The following RANGAP1 variants were observed in gnomAD, a reference collection of about 807,000 sequenced individuals.
The protein encoded by RANGAP1 is Ran GTPase activating protein 1.
In RANGAP1, 38 loss-of-function variants were observed where a neutral mutation model predicts 63.5. That is an observed-to-expected ratio of 0.60 (90% confidence interval 0.46 to 0.78). The LOEUF (loss-of-function observed/expected upper bound fraction) is 0.78. Ranked by LOEUF, RANGAP1 falls within the 30% of genes least tolerant of loss-of-function variation. The probability of loss-of-function intolerance (pLI) is 0.00; values close to 1 mark genes in which losing one functional copy is unlikely to be tolerated. For missense variants in RANGAP1, 630 were observed against 740.3 expected (o/e 0.85, Z 1.73); for synonymous variants, 329 against 310.5 (o/e 1.06, Z -0.63).
At position 41,246,667 on chromosome 22, in the gene RANGAP1, T is replaced by C. The variant is rs2033055538; in HGVS notation, c.1700A>G (p.Asn567Ser). ...PLLLAFVTKP[N>S]SALESCSFAR... ...GAAGGAGCAGGATTCCAGGGCGCTG[T>C]TGGGCCTGCGGGGAAAGAGGGGTCA... Residue 567 changes from asparagine (N) to serine (S), a missense_variant, in exon 16 of 16, where the codon AAC becomes AGC. By Grantham distance (46) the Asn-to-Ser change is conservative. Transcript: ENST00000356244. 9 of 1,563,108 alleles carry C rather than the reference T, an allele frequency of 5.8e-6. No homozygotes were observed. Among genetic ancestry groups the C allele is most frequent in the Non-Finnish European group, 7.8e-6 (9 of 1,152,612 alleles).
At position 41,255,992 on chromosome 22, in the gene RANGAP1, G is replaced by T. The variant is rs187835162; in HGVS notation, c.1073+29C>A. ...AGAAAGAAAGGAATGGCCTGACCCC[G>T]ACCTCTGGGGCCACCCCGAGTTCCC... On this transcript the variant is annotated intron_variant, in intron 10 of 15. Coordinates refer to ENST00000356244, the MANE Select transcript of RANGAP1 (RefSeq NM_002883.4). 5 of 1,601,740 alleles carry T rather than the reference G, an allele frequency of 3.1e-6. No homozygotes were observed. The African/African-American group carries it at 6.7e-5, about 21-fold the overall frequency.
chr22:41,274,387 T>C (rs1303498624), intron 3 of RANGAP1, among the ~76,000 whole-genome samples: 1 of 152,226 alleles, frequency 6.6e-6, no homozygotes, highest in African/African-American at 2.4e-5. Context: ...ATAATCCTCC[T>C]GCACCCCAAC....
the RANGAP1 span, among the ~76,000 whole-genome samples, chr22:41,294,342 G>T: frequency 5.9e-5 from 9 of 152,166 alleles, no homozygotes; most frequent in Admixed American, 2.6e-4. Flanking sequence ...ACGGAGTCTC[G>T]TTCACTCAGT....
intron 11 of RANGAP1, among the ~76,000 whole-genome samples, chr22:41,253,732 C>T (rs965364554): frequency 1.1e-4 from 17 of 152,194 alleles, no homozygotes; most frequent in African/African-American, 4.1e-4. Flanking sequence ...TTTCAGAAAC[C>T]CTTATGCATA....
chr22:41,280,910 G>C, intron 2 of RANGAP1, 23 bp downstream of exon 2: 1 of 1,613,560 alleles, frequency 6.2e-7, no homozygotes, highest in Non-Finnish European at 8.5e-7. Context: ...GGACACACCA[G>C]TGCACAACTT....
intron 10 of RANGAP1, among the ~76,000 whole-genome samples, chr22:41,255,029 G>A (rs182604815): frequency 6.6e-6 from 1 of 151,642 alleles, no homozygotes; most frequent in Admixed American, 6.6e-5. Flanking sequence ...CTGTCCTCAA[G>A]GAGCCCCAGG....
intron 3 of RANGAP1, among the ~76,000 whole-genome samples, chr22:41,268,475 G>C (rs1223601176): frequency 6.6e-6 from 1 of 151,972 alleles, no homozygotes; most frequent in African/African-American, 2.4e-5. Flanking sequence ...GGCTGGACTT[G>C]AACTCCCGAC....
chr22:41,267,021 C>T (rs1380694222), intron 4 of RANGAP1, among the ~76,000 whole-genome samples: 1 of 151,136 alleles, frequency 6.6e-6, no homozygotes, highest in Non-Finnish European at 1.5e-5. Flanking sequence ...GCTGGGACTA[C>T]AGGCAGGTGC....
upstream of RANGAP1, among the ~76,000 whole-genome samples, chr22:41,288,069 A>G (rs988084528): frequency 1.3e-5 from 2 of 152,164 alleles, no homozygotes; most frequent in African/African-American, 4.8e-5. Flanking sequence ...TCACCACCAC[A>G]AGGGAAGTGG....
chr22:41,254,531 C>T, intron 10 of RANGAP1, 37 bp from the exon 11 acceptor site: 3 of 1,546,002 alleles, frequency 1.9e-6, no homozygotes, highest in Non-Finnish European at 2.6e-6. Flanking sequence ...TCCTCTCTAC[C>T]CAGCAGCCCA....
chr22:41,291,315 C>T, the RANGAP1 span, among the ~76,000 whole-genome samples: 4 of 151,950 alleles, frequency 2.6e-5, no homozygotes, highest in Admixed American at 6.6e-5. Context: ...ATTCCTTCAT[C>T]GGCTGGGTGC....
intron 1 of RANGAP1, among the ~76,000 whole-genome samples, chr22:41,283,043 GAATT>G (rs2035576396): frequency 6.6e-6 from 1 of 152,038 alleles, no homozygotes. Context: ...CAATAAGCAT[GAATT>G]ATTATCCTGG....
Position 41,251,046 on chromosome 22 carries a change from C to G in RANGAP1, c.1444G>C (p.Asp482His). The G allele has an allele frequency of 6.2e-7, 1 of 1,614,154 alleles. No individual in the cohort carries two copies. The highest frequency in any genetic ancestry group is 8.5e-7 in the Non-Finnish European group (1 of 1,180,026). The change falls in exon 13 of 16, where the codon GAC becomes CAC. Residue 482 changes from aspartate to histidine, a missense_variant. Physicochemically the swap from Asp to His is moderately conservative, Grantham distance 81. This residue lies in a region of RANGAP1 where 428 missense variants were observed against 465.5 expected (regional missense o/e 0.92). Transcript: ENST00000356244. ...ACTGCCATCCTCACAGTAGCTTCGT[C>G]CTTGAACACAGATGACACCTTTAGG... Reference protein sequence around the residue: ...AFLKVSSVFKDEATVRMAVQD... With the variant: ...AFLKVSSVFKHEATVRMAVQD...
chr22:41,291,794 G>A, the RANGAP1 span, among the ~76,000 whole-genome samples: 2 of 151,250 alleles, frequency 1.3e-5, no homozygotes, highest in Non-Finnish European at 3.0e-5. Context: ...CCAGCTACTC[G>A]GGAGGCTGAG....
intron 6 of RANGAP1, among the ~76,000 whole-genome samples, chr22:41,260,788 G>A (rs1019832498): frequency 6.6e-6 from 1 of 152,146 alleles, no homozygotes; most frequent in Non-Finnish European, 1.5e-5. Flanking sequence ...AGACTGCAGT[G>A]AGCCAAGATC....
intron 10 of RANGAP1, 128 bp downstream of exon 10, chr22:41,255,893 G>A (rs2033799761): frequency 2.2e-6 from 2 of 910,448 alleles, no homozygotes; most frequent in Non-Finnish European, 3.3e-6. Context: ...GGTGGAAGCT[G>A]CAGTGAGCCG....
intron 2 of RANGAP1, 148 bp from the exon 3 acceptor site, chr22:41,274,875 C>T: frequency 9.7e-7 from 1 of 1,027,294 alleles, no homozygotes; most frequent in East Asian, 2.4e-5. Flanking sequence ...CAGACAGGCT[C>T]ATGGTCCAGA....
At chr22:41,279,663 G>A (rs114797989) in intron 2 of RANGAP1, among the ~76,000 whole-genome samples, 4 of 151,396 alleles carry the variant, frequency 2.6e-5, no homozygotes, top group Non-Finnish European at 4.4e-5. Context: ...TTAGCCAGGC[G>A]TGATGGTGTG....
At chr22:41,246,747 G>A in intron 15 of RANGAP1, 75 bp from the exon 16 acceptor site, 3 of 1,345,180 alleles carry the variant, frequency 2.2e-6, no homozygotes, top group East Asian at 2.5e-5. Context: ...CCATTTTGGT[G>A]CCAGACTCAT....
Sources: allele counts gnomAD v4.1 joint callset (sites outside exome capture counted in the v4.1 genomes callset), GRCh38; gene constraint gnomAD v4.1.1; regional missense constraint gnomAD v4.1.1; transcripts MANE v1.5; gene names NCBI Gene and HGNC (gene_info 2026-07-23, HGNC 2026-07-21).